The following MLPH variants were observed in gnomAD, a reference collection of about 807,000 sequenced individuals.
MLPH encodes the protein melanophilin.
A neutral mutation model predicts 72.1 loss-of-function variants in MLPH; 51 were observed. The ratio of observed to expected loss-of-function variants is 0.71; its 90% CI spans 0.56 to 0.89. The LOEUF is 0.89. MLPH is among the 40% of genes least tolerant of loss of function. The pLI, the probability that MLPH is intolerant of heterozygous loss-of-function variation, is 0.00. For missense variants in MLPH, 743 were observed against 759.9 expected (o/e 0.98, Z 0.26); for synonymous variants, 301 against 310.1 (o/e 0.97, Z 0.31).
chr2:237,498,784 G>A (rs140935611), intron 2 of MLPH, among the ~76,000 whole-genome samples: 4 of 152,334 alleles, frequency 2.6e-5, no homozygotes, highest in African/African-American at 7.2e-5. Context: ...TGCCTCCCAC[G>A]AGGACACAGT....
chr2:237,551,391 T>A (rs989765434), intron 14 of MLPH, among the ~76,000 whole-genome samples: 4 of 152,238 alleles, frequency 2.6e-5, no homozygotes, highest in Non-Finnish European at 5.9e-5. Context: ...GTGGCGTAAA[T>A]GCTCCCACCC....
chr2:237,517,805 G>A (rs909823248), intron 4 of MLPH, among the ~76,000 whole-genome samples: 3 of 150,914 alleles, frequency 2.0e-5, no homozygotes, highest in African/African-American at 2.4e-5. Flanking sequence ...GGATGAGTGG[G>A]CAGCTGGATG....
intron 12 of MLPH, chr2:237,546,377 A>G: frequency 1.8e-6 from 1 of 570,034 alleles, no homozygotes; most frequent in Non-Finnish European, 3.1e-6. Context: ...TTTTCTTTTC[A>G]CAATCTGAAA....
intron 1 of MLPH, among the ~76,000 whole-genome samples, chr2:237,493,036 G>A (rs185571527): frequency 3.9e-5 from 6 of 152,288 alleles, no homozygotes; most frequent in East Asian, 3.9e-4. Flanking sequence ...CAGGAATGGC[G>A]CATTTCTCCC....
chr2:237,502,981 T>C lies in MLPH; in HGVS notation c.111-7593T>C, dbSNP rs2106479513. Among the ~76,000 whole-genome samples the C allele has an allele frequency of 1.3e-5, 2 of 152,056 alleles. 1 individual carries two copies. Among genetic ancestry groups the C allele is most frequent in the South Asian group, 4.2e-4 (2 of 4,808 alleles). On this transcript the variant is annotated intron_variant, in intron 2 of 15. Coordinates refer to ENST00000264605, the MANE Select transcript of MLPH (RefSeq NM_024101.7). ...TAAAAATACAAAAATTAGCCAGCCA[T>C]GATGGCAGGCGCCTGTTGTCTCAGC...
In MLPH at chr2:237,545,743, G is replaced by A. The variant is rs1357543934; in HGVS notation, c.1540-863G>A. The A allele has an allele frequency of 9.0e-6, 9 of 997,136 alleles. No homozygotes were observed. In the East Asian group the frequency reaches 4.4e-4, roughly 49 times the overall value. The allele number at this position is 997,136 out of a possible 1,614,324, so 61.8% of individuals were successfully genotyped here. A position where few individuals can be genotyped will look rare whatever the true frequency, so the allele number is the denominator to read the frequency against. On this transcript the variant is annotated intron_variant, in intron 12 of 15. Coordinates refer to ENST00000264605, the MANE Select transcript of MLPH (RefSeq NM_024101.7). ...GGCAAAAGAATGAAAGATGACCTTA[G>A]GAGAGTCCCAGATAGGGTCATGACG...
Position 237,546,688 on chromosome 2 carries a change from G to A in MLPH, c.1617+5G>A. The A allele has an allele frequency of 1.9e-6, 3 of 1,613,214 alleles. No homozygotes were observed. The highest frequency in any genetic ancestry group is 2.5e-6 in the Non-Finnish European group (3 of 1,179,118). The stretch of plus-strand genomic sequence containing the variant: ...GACCCTTCAAGTGAGGCCAAGGTAT[G>A]TGTTACTCCATTCAAGCCCCAGACA... On this transcript the variant is annotated splice_donor_5th_base_variant and intron_variant, in intron 13 of 15. Transcript: ENST00000264605.
intron 12 of MLPH, 136 bp from the exon 13 acceptor site, chr2:237,546,470 G>T: frequency 1.3e-6 from 1 of 756,982 alleles, no homozygotes; most frequent in Admixed American, 2.0e-5. Flanking sequence ...CATACTGGGG[G>T]TGGCTGTGCA....
intron 7 of MLPH, among the ~76,000 whole-genome samples, chr2:237,526,734 A>G (rs572061376): frequency 6.6e-6 from 1 of 152,250 alleles, no homozygotes; most frequent in South Asian, 2.1e-4. Context: ...GTTCTCACAC[A>G]CGTTCTTTTT....
At chr2:237,538,361 A>G (rs74003106) in intron 9 of MLPH, among the ~76,000 whole-genome samples, 20,489 of 152,238 alleles carry the variant, frequency 0.13, 1,557 homozygotes, top group African/African-American at 0.17. Flanking sequence ...GGGACAGACG[A>G]CTGAGGTTTA....
At chr2:237,496,960 C>T (rs1235630198) in intron 2 of MLPH, among the ~76,000 whole-genome samples, 1 of 152,138 alleles carries the variant, frequency 6.6e-6, no homozygotes, top group South Asian at 2.1e-4. Context: ...TGGTCCCCAA[C>T]CTTTTTGGTA....
At chr2:237,494,270 G>A (rs1211689802) in intron 2 of MLPH, among the ~76,000 whole-genome samples, 2 of 152,168 alleles carry the variant, frequency 1.3e-5, no homozygotes, top group Non-Finnish European at 2.9e-5. Context: ...AGAGGCCAGA[G>A]AGTGGAGGGC....
At chr2:237,511,246 G>C in intron 4 of MLPH, 145 bp downstream of exon 4, 1 of 638,918 alleles carries the variant, frequency 1.6e-6, no homozygotes, top group Non-Finnish European at 2.8e-6. Context: ...ATGCCTCTCT[G>C]TGAATTCCTG....
At chr2:237,489,202 G>A (rs2079380294) in intron 1 of MLPH, among the ~76,000 whole-genome samples, 1 of 152,230 alleles carries the variant, frequency 6.6e-6, no homozygotes, top group African/African-American at 2.4e-5. Context: ...ACCCATCCTT[G>A]CGGTAGAGAC....
intron 1 of MLPH, among the ~76,000 whole-genome samples, chr2:237,490,410 T>C (rs554928445): frequency 6.6e-6 from 1 of 152,260 alleles, no homozygotes; most frequent in South Asian, 2.1e-4. Context: ...AGGACATTGG[T>C]TGTGATGCTC....
At chr2:237,525,897 C>A in intron 7 of MLPH, 92 bp downstream of exon 7, 2 of 1,264,554 alleles carry the variant, frequency 1.6e-6, no homozygotes, top group Non-Finnish European at 2.2e-6. Flanking sequence ...CTATCCAACA[C>A]ACGGGCTGAT....
In MLPH at chr2:237,538,382, G is replaced by A. The variant is rs185567584; in HGVS notation, c.1105-1966G>A. Among the ~76,000 whole-genome samples the A allele has an allele frequency of 4.6e-5, 7 of 152,362 alleles. No individual in the cohort carries two copies. In the East Asian group the frequency reaches 7.7e-4, roughly 17 times the overall value. On this transcript the variant is annotated intron_variant, in intron 9 of 15. Coordinates refer to ENST00000264605, the MANE Select transcript of MLPH (RefSeq NM_024101.7). The stretch of plus-strand genomic sequence containing the variant: ...GACGACTGAGGTTTACACCCAAGGC[G>A]ACAGGACGGATGGGTCTTGGGGCTT...
rs570584879 is a variant in MLPH, at chr2:237,530,934, G to A, written c.1020+3418G>A. Reference sequence around the variant, plus strand: ...AAGCCTCCACCACCTGCATTCGCAGGTCTAGTTCTGCAACACGGAACACAC... The same window carrying A: ...AAGCCTCCACCACCTGCATTCGCAGATCTAGTTCTGCAACACGGAACACAC... On this transcript the variant is annotated intron_variant, in intron 8 of 15. Coordinates refer to ENST00000264605, the MANE Select transcript of MLPH (RefSeq NM_024101.7). Among the ~76,000 whole-genome samples the A allele has an allele frequency of 1.6e-4, 25 of 152,338 alleles. No homozygotes were observed. In the South Asian group the frequency reaches 5.0e-3, roughly 30 times the overall value.
In MLPH at chr2:237,549,248, A is replaced by G; in HGVS notation, c.1645A>G (p.Arg549Gly). 6.2e-7 allele frequency: 1 copy of G among 1,614,190 alleles called. No homozygotes were observed. The highest frequency in any genetic ancestry group is 8.5e-7 in the Non-Finnish European group (1 of 1,180,006). The change falls in exon 14 of 16, where the codon AGA becomes GGA. Residue 549 changes from arginine to glycine, a missense_variant. By Grantham distance (125) the Arg-to-Gly change is moderately radical. Coordinates refer to ENST00000264605, the MANE Select transcript of MLPH (RefSeq NM_024101.7). ...KAMAVPYLLR[R>G]KFSNSLKSQG... ...AATGGCTGTGCCCTATCTTCTGAGA[A>G]GAAAGTTCAGTAATTCCCTGAAAAG...
Sources: allele counts gnomAD v4.1 joint callset (sites outside exome capture counted in the v4.1 genomes callset), GRCh38; gene constraint gnomAD v4.1.1; transcripts MANE v1.5; gene names NCBI Gene and HGNC (gene_info 2026-07-23, HGNC 2026-07-21).